Variants in DNAJC24 observed in about 807,000 individuals in gnomAD.
DNAJC24 encodes DnaJ heat shock protein family (Hsp40) member C24.
DNAJC24 carries 17 observed loss-of-function variants against 18.0 expected under a neutral mutation model. The ratio of observed to expected loss-of-function variants is 0.94; its 90% CI spans 0.65 to 1.42. The LOEUF (loss-of-function observed/expected upper bound fraction) is 1.42. DNAJC24 is among the 40% of genes most tolerant of loss of function. The pLI, the probability that DNAJC24 is intolerant of heterozygous loss-of-function variation, is 0.00. For synonymous variants in DNAJC24, 55 were observed against 57.7 expected (o/e 0.95, Z 0.21); for missense variants, 158 against 175.6 (o/e 0.90, Z 0.57).
chr11:31,399,245 C>A (rs1009261402), intron 2 of DNAJC24, among the ~76,000 whole-genome samples: 12 of 152,132 alleles, frequency 7.9e-5, no homozygotes, highest in African/African-American at 2.9e-4. Context: ...ATTGGTATAA[C>A]ATTATATTTT....
intron 2 of DNAJC24, among the ~76,000 whole-genome samples, chr11:31,389,017 CAAAAAAT>C (rs1302084421): frequency 6.6e-6 from 1 of 151,566 alleles, no homozygotes; most frequent in African/African-American, 2.4e-5. Flanking sequence ...AATGGCTACA[CAAAAAAT>C]AAAAAGCAAA....
At chr11:31,408,580 T>C (rs1952676865) in intron 2 of DNAJC24, among the ~76,000 whole-genome samples, 1 of 152,244 alleles carries the variant, frequency 6.6e-6, no homozygotes, top group Admixed American at 6.5e-5. Context: ...GAAGTGTTAC[T>C]TATCCATGAA....
chr11:31,389,595 C>T (rs1952467783), intron 2 of DNAJC24, among the ~76,000 whole-genome samples: 1 of 152,162 alleles, frequency 6.6e-6, no homozygotes, highest in Non-Finnish European at 1.5e-5. Flanking sequence ...CATCATTGGA[C>T]AGATCTTCCA....
Position 31,431,726 on chromosome 11 carries a change from C to T in DNAJC24, c.*1325C>T, listed in dbSNP as rs989491704. Reference sequence around the variant, plus strand: ...CCCAGCTACTCGGGAGGCTGAGGCACAAGAATCACTTGAACCCAGGAGGCA... The same window carrying T: ...CCCAGCTACTCGGGAGGCTGAGGCATAAGAATCACTTGAACCCAGGAGGCA... On this transcript the variant is annotated 3_prime_UTR_variant, in exon 5 of 5. Coordinates refer to ENST00000465995, the MANE Select transcript of DNAJC24 (RefSeq NM_181706.5). 2.6e-5 allele frequency: 4 copies of T among 151,398 alleles called. No homozygotes were observed. Among genetic ancestry groups the T allele is most frequent in the East Asian group, 2.0e-4 (1 of 5,072 alleles). 9.4% of individuals were successfully genotyped at this position (151,398 alleles called of 1,614,324 possible). A position where few individuals can be genotyped will look rare whatever the true frequency, so the allele number is the denominator to read the frequency against.
At chr11:31,385,230 G>A (rs1403078698) in intron 2 of DNAJC24, 2 of 151,804 alleles carry the variant, frequency 1.3e-5, no homozygotes, top group Non-Finnish European at 2.9e-5. Flanking sequence ...AATAAAAAAG[G>A]GCCAAAAAAC....
At chr11:31,397,477 ATT>A (rs3071550) in intron 2 of DNAJC24, among the ~76,000 whole-genome samples, 3,830 of 144,284 alleles carry the variant, frequency 0.027, 171 homozygotes, top group African/African-American at 0.089. Flanking sequence ...TACCTTTGTG[ATT>A]TTTTTTTTTT....
intron 3 of DNAJC24, chr11:31,415,600 G>A (rs1482296907): frequency 6.6e-6 from 1 of 152,258 alleles, no homozygotes; most frequent in Admixed American, 6.5e-5. Context: ...CGAAGTGATA[G>A]GCTGTCTTTC....
intron 3 of DNAJC24, among the ~76,000 whole-genome samples, chr11:31,425,978 CAAAAT>C (rs1952857274): frequency 6.6e-6 from 1 of 152,140 alleles, no homozygotes; most frequent in African/African-American, 2.4e-5. Flanking sequence ...CTACTGCTTA[CAAAAT>C]AGAAGTCACT....
chr11:31,411,620 ATC>A (rs749360048), intron 2 of DNAJC24, among the ~76,000 whole-genome samples: 4 of 151,948 alleles, frequency 2.6e-5, no homozygotes, highest in African/African-American at 4.8e-5. Flanking sequence ...AGCATTTCAG[ATC>A]TCTCTCTCTC....
chr11:31,387,139 G>T (rs1297395330), intron 2 of DNAJC24, among the ~76,000 whole-genome samples: 2 of 152,134 alleles, frequency 1.3e-5, no homozygotes, highest in East Asian at 3.9e-4. Context: ...GTCCCAGATA[G>T]CATCTCTGGG....
At chr11:31,420,838 C>T (rs893592070) in intron 3 of DNAJC24, among the ~76,000 whole-genome samples, 7 of 152,040 alleles carry the variant, frequency 4.6e-5, no homozygotes, top group African/African-American at 1.7e-4. Context: ...TAGTCACGTA[C>T]GAGGGATATT....
chr11:31,403,114 T>C (rs1205736786), intron 2 of DNAJC24, among the ~76,000 whole-genome samples: 1 of 144,494 alleles, frequency 6.9e-6, no homozygotes, highest in Non-Finnish European at 1.5e-5. Context: ...TCAGTTAATA[T>C]GCATATATGC....
chr11:31,373,357 A>G (rs113992770), intron 2 of DNAJC24, among the ~76,000 whole-genome samples: 1,715 of 134,604 alleles, frequency 0.013, 154 homozygotes, highest in African/African-American at 0.04. Context: ...ATTTTTCCTC[A>G]GTATATTCAG....
intron 2 of DNAJC24, chr11:31,407,504 T>C (rs1430025816): frequency 2.0e-5 from 3 of 151,494 alleles, no homozygotes; most frequent in Non-Finnish European, 4.4e-5. Flanking sequence ...CTGGGCAATA[T>C]GGAAACCTCA....
At chr11:31,384,368 G>C (rs1952407627) in intron 2 of DNAJC24, among the ~76,000 whole-genome samples, 1 of 152,150 alleles carries the variant, frequency 6.6e-6, no homozygotes, top group Non-Finnish European at 1.5e-5. Flanking sequence ...CTCTCAGCTA[G>C]AAGTGAAGTT....
chr11:31,410,415 A>C (rs1188722184), intron 2 of DNAJC24, among the ~76,000 whole-genome samples: 1 of 152,140 alleles, frequency 6.6e-6, no homozygotes, highest in Non-Finnish European at 1.5e-5. Context: ...GGTTTTATTC[A>C]TGTATTCTGA....
At chr11:31,405,066 C>CTTTTTTTTTTTTT (rs398015694) in intron 2 of DNAJC24, among the ~76,000 whole-genome samples, 1 of 132,010 alleles carries the variant, frequency 7.6e-6, no homozygotes, top group Non-Finnish European at 1.6e-5. Context: ...ATTAGGAATT[C>CTTTTTTTTTTTTT]TTTTTTTTGT....
chr11:31,388,695 G>T (rs682539), intron 2 of DNAJC24, among the ~76,000 whole-genome samples: 1 of 151,956 alleles, frequency 6.6e-6, no homozygotes, highest in East Asian at 1.9e-4. Flanking sequence ...CACCGTTAAC[G>T]ATAAGTACAC....
intron 4 of DNAJC24, chr11:31,429,620 T>A (rs1269171817): frequency 3.6e-6 from 1 of 275,648 alleles, no homozygotes; most frequent in East Asian, 8.5e-5. Context: ...TTGCACCGTA[T>A]TGCCTCCTTT....
Sources: gnomAD v4.1 joint callset for allele counts (sites outside exome capture counted in the v4.1 genomes callset) on GRCh38, gnomAD v4.1.1 for gene constraint, MANE v1.5 for transcripts, NCBI Gene and HGNC (gene_info 2026-07-23, HGNC 2026-07-21) for gene names.